Variants in CIP2A observed in about 807,000 individuals in gnomAD.
CIP2A encodes the protein cellular inhibitor of PP2A.
Under a neutral mutation model 110.9 loss-of-function variants are expected in CIP2A, and 103 were observed. That is an observed-to-expected ratio of 0.93 (90% CI 0.79 to 1.09). The LOEUF is 1.09. Ranked by LOEUF, CIP2A falls within the 50% of genes least tolerant of loss-of-function variation. The probability of loss-of-function intolerance (pLI) is 0.00; values close to 1 mark genes in which losing one functional copy is unlikely to be tolerated. For synonymous variants in CIP2A, 381 were observed against 361.6 expected (o/e 1.05, Z -0.61); for missense variants, 1,088 against 1,038.4 (o/e 1.05, Z -0.66).
intron 17 of CIP2A, 50 bp downstream of exon 17, chr3:108,557,168 C>A: frequency 8.5e-7 from 1 of 1,174,486 alleles, no homozygotes; most frequent in East Asian, 2.4e-5. Flanking sequence ...AGAAATGCTG[C>A]ATGTTCATTC....
Position 108,582,990 on chromosome 3 carries a change from G to GA in CIP2A, c.343dup (p.Ser115PhefsTer16). ...GGGTCTGTATACCTGCAAAAACACC[G>GA]AATCAGTGTGGCTGCTCCGACAAAC... On this transcript the variant is annotated frameshift_variant, in exon 3 of 21. Coordinates refer to ENST00000295746, the MANE Select transcript of CIP2A (RefSeq NM_020890.3). LOFTEE classifies it high-confidence loss of function. The GA allele has an allele frequency of 1.2e-6, 2 of 1,607,294 alleles. No homozygotes were observed. Among genetic ancestry groups the GA allele is most frequent in the Non-Finnish European group, 1.7e-6 (2 of 1,175,654 alleles).
rs78278107 is a variant in CIP2A, at chr3:108,585,227, T to A, written c.103-15A>T. 3.8e-6 allele frequency: 6 copies of A among 1,588,276 alleles called. No homozygotes were observed. The highest frequency in any genetic ancestry group is 4.3e-6 in the Non-Finnish European group (5 of 1,165,010). ...CCAGAAATTACCTATAAAATAGTAA[T>A]CAAAATGTGTTGGTTAAGCGATGGC... On this transcript the variant is annotated splice_polypyrimidine_tract_variant and intron_variant, in intron 1 of 20. Coordinates refer to ENST00000295746, the MANE Select transcript of CIP2A (RefSeq NM_020890.3).
chr3:108,585,246 C>T (rs551757195), intron 1 of CIP2A, 34 bp from the exon 2 acceptor site: 43 of 1,545,894 alleles, frequency 2.8e-5, no homozygotes, highest in African/African-American at 6.9e-5. Flanking sequence ...GTTGGTTAAG[C>T]GATGGCAATT....
At chr3:108,575,569 T>C (rs1246427504) in intron 8 of CIP2A, among the ~76,000 whole-genome samples, 3 of 149,616 alleles carry the variant, frequency 2.0e-5, no homozygotes, top group African/African-American at 7.5e-5. Context: ...TACGTGTATA[T>C]ATACTCATAT....
chr3:108,568,314 C>T lies in CIP2A; in HGVS notation c.1114G>A (p.Asp372Asn), dbSNP rs1262996212. ...ALELFKEIFE[D>N]VIDAANCSSA... ...GAACAGTTAGCAGCATCTATGACAT[C>T]CTGGAGAATTATCCATCACAAATGA... Residue 372 changes from aspartate (D) to asparagine (N), a missense_variant and splice_region_variant, in exon 10 of 21, where the codon GAT becomes AAT. Asp to Asn is a conservative substitution (Grantham distance 23, BLOSUM62 1). Transcript: ENST00000295746. 1.2e-6 allele frequency: 2 copies of T among 1,610,270 alleles called. No individual in the cohort carries two copies. The highest frequency in any genetic ancestry group is 1.7e-6 in the Non-Finnish European group (2 of 1,177,792).
intron 16 of CIP2A, among the ~76,000 whole-genome samples, chr3:108,558,877 G>A (rs1412695516): frequency 6.6e-6 from 1 of 152,128 alleles, no homozygotes; most frequent in Non-Finnish European, 1.5e-5. Context: ...TGTGGATTGA[G>A]GCCTATATAG....
chr3:108,576,288 G>C lies in CIP2A; in HGVS notation c.877C>G (p.Pro293Ala). Residue 293 changes from proline (P) to alanine (A), a missense_variant, in exon 8 of 21, where the codon CCT (proline) becomes GCT (alanine). By Grantham distance (27) the Pro-to-Ala change is conservative (BLOSUM62 -1). Coordinates refer to ENST00000295746, the MANE Select transcript of CIP2A (RefSeq NM_020890.3). Reference protein sequence around the residue: ...QVLGLLNGKDPDSSSKVLELL... With the variant: ...QVLGLLNGKDADSSSKVLELL... ...TTACATACCTTTGAAGAGGAATCAG[G>C]ATCCTTTCCATTAAGAAGACCTAAT... 6.4e-7 allele frequency: 1 copy of C among 1,559,646 alleles called. No individual in the cohort carries two copies. The highest frequency in any genetic ancestry group is 8.7e-7 in the Non-Finnish European group (1 of 1,151,624).
intron 12 of CIP2A, among the ~76,000 whole-genome samples, chr3:108,564,872 G>A (rs1319313924): frequency 6.6e-6 from 1 of 151,798 alleles, no homozygotes; most frequent in African/African-American, 2.4e-5. Context: ...TTTGATAACA[G>A]CTAGAGATCA....
At position 108,551,178 on chromosome 3, in the gene CIP2A, T is replaced by A. The variant is rs1192851277; in HGVS notation, c.2689A>T (p.Asn897Tyr). Reference protein sequence around the residue: ...MIHSLSGGKINPETVNLSI With the variant: ...MIHSLSGGKIYPETVNLSI ...ATACTGAGATTCACAGTTTCTGGAT[T>A]TATTTTTCCACCACTTAAACTGTGG... The change falls in exon 21 of 21, where the codon AAT (asparagine) becomes TAT (tyrosine). Residue 897 changes from asparagine to tyrosine, a missense_variant. Coordinates refer to ENST00000295746, the MANE Select transcript of CIP2A (RefSeq NM_020890.3). 1.2e-6 allele frequency: 2 copies of A among 1,607,126 alleles called. No homozygotes were observed. The highest frequency in any genetic ancestry group is 8.5e-7 in the Non-Finnish European group (1 of 1,176,224).
chr3:108,580,705 T>G (rs928160234), intron 5 of CIP2A, among the ~76,000 whole-genome samples: 3 of 151,944 alleles, frequency 2.0e-5, no homozygotes, highest in Non-Finnish European at 4.4e-5. Flanking sequence ...CTCAGCTCAC[T>G]CCAACCTCCA....
rs1307984962 is a variant in CIP2A, at chr3:108,568,299, C to T, written c.1129G>A (p.Ala377Thr). The T allele has an allele frequency of 1.9e-6, 3 of 1,611,490 alleles. No individual in the cohort carries two copies. The highest frequency in any genetic ancestry group is 2.5e-6 in the Non-Finnish European group (3 of 1,178,456). The change falls in exon 10 of 21, where the codon GCT becomes ACT. Residue 377 changes from alanine to threonine, a missense_variant. Ala to Thr is a moderately conservative substitution (Grantham distance 58). Coordinates refer to ENST00000295746, the MANE Select transcript of CIP2A (RefSeq NM_020890.3). ...AAACGATCAGCCGAGGAACAGTTAG[C>T]AGCATCTATGACATCCTGGAGAATT... is the stretch of plus-strand genomic sequence containing the variant. ...KEIFEDVIDA[A>T]NCSSADRFVT...
Position 108,569,181 on chromosome 3 carries a change from T to TATATATATATATATATATATATATAC in CIP2A, c.1113+207_1113+208insGTATATATATATATATATATATATAT. Among the ~76,000 whole-genome samples the TATATATATATATATATATATATATAC allele has an allele frequency of 4.2e-3, 247 of 58,136 alleles. 43 individuals are homozygous for TATATATATATATATATATATATATAC. Among genetic ancestry groups the TATATATATATATATATATATATATAC allele is most frequent in the Non-Finnish European group, 5.6e-3 (142 of 25,508 alleles). The allele number at this position is 58,136 out of a possible 152,430, so 38.1% of individuals were successfully genotyped here. A position where few individuals can be genotyped will look rare whatever the true frequency, so the allele number is the denominator to read the frequency against. ...CTGAAATGAGCACTATATATATATATACATACACACTACTCAGTGAAAAAA... is the reference window on the plus strand; with the variant it reads ...CTGAAATGAGCACTATATATATATATATATATATATATATATATATATATACACATACACACTACTCAGTGAAAAAA... On this transcript the variant is annotated intron_variant, in intron 9 of 20. Coordinates refer to ENST00000295746, the MANE Select transcript of CIP2A (RefSeq NM_020890.3).
intron 1 of CIP2A, among the ~76,000 whole-genome samples, chr3:108,587,773 A>C (rs549900346): frequency 2.0e-5 from 3 of 152,074 alleles, no homozygotes; most frequent in Admixed American, 2.0e-4. Flanking sequence ...ATTTTGTTTA[A>C]GTCTCTCTTT....
chr3:108,584,526 TAATTAA>T (rs1330814836), intron 2 of CIP2A, among the ~76,000 whole-genome samples: 1 of 152,212 alleles, frequency 6.6e-6, no homozygotes, highest in African/African-American at 2.4e-5. Flanking sequence ...CAATTTAGAT[TAATTAA>T]AATTAAAGAT....
At position 108,557,409 on chromosome 3, in the gene CIP2A, C is replaced by A; in HGVS notation, c.2019G>T (p.Arg673=). 3 of 1,579,356 alleles carry A rather than the reference C, an allele frequency of 1.9e-6. No homozygotes were observed. Among genetic ancestry groups the A allele is most frequent in the South Asian group, 1.1e-5 (1 of 86,970 alleles). ...CQRTQAETEA[R]TLASMLREVE... is the part of the protein sequence containing the mutation. ...CTTCTCTCAACATACTAGCAAGTGT[C>A]CGTGCCTCAAAAAAAAAAAGAAGAT... is the stretch of plus-strand genomic sequence containing the variant. The change falls in exon 17 of 21, where the codon CGG becomes CGT. Residue 673 remains arginine, a synonymous_variant. Transcript: ENST00000295746.
At chr3:108,575,450 A>G (rs1424716050) in intron 8 of CIP2A, among the ~76,000 whole-genome samples, 1 of 150,156 alleles carries the variant, frequency 6.7e-6, no homozygotes, top group African/African-American at 2.4e-5. Context: ...ATATATACAT[A>G]TACATGTATA....
intron 2 of CIP2A, 102 bp downstream of exon 2, chr3:108,584,963 G>A (rs1450215348): frequency 2.7e-6 from 3 of 1,093,374 alleles, no homozygotes; most frequent in Non-Finnish European, 3.9e-6. Context: ...AGAAGTCTTT[G>A]AAGGTGAATC....
chr3:108,575,656 A>C (rs373765035), intron 8 of CIP2A, among the ~76,000 whole-genome samples: 2 of 65,340 alleles, frequency 3.1e-5, no homozygotes, highest in African/African-American at 8.9e-5. Context: ...ATACATGTGT[A>C]TATATACGTG....
At chr3:108,559,006 G>T (rs914138600) in intron 16 of CIP2A, among the ~76,000 whole-genome samples, 4 of 152,076 alleles carry the variant, frequency 2.6e-5, no homozygotes, top group African/African-American at 4.8e-5. Context: ...AGAGATCCTT[G>T]GGGGAGCGGC....
Sources: gnomAD v4.1 joint callset for allele counts (sites outside exome capture counted in the v4.1 genomes callset) on GRCh38, gnomAD v4.1.1 for gene constraint, MANE v1.5 for transcripts, NCBI Gene and HGNC (gene_info 2026-07-23, HGNC 2026-07-21) for gene names.